Variants in EDIL3 observed in about 807,000 individuals in gnomAD.
EDIL3 encodes the protein EGF-like repeat and discoidin I-like domain-containing protein 3.
A neutral mutation model predicts 67.4 loss-of-function variants in EDIL3; 37 were observed. That is an observed-to-expected ratio of 0.55 (90% confidence interval 0.42 to 0.72). The LOEUF (loss-of-function observed/expected upper bound fraction) is 0.72, where lower values mean the gene tolerates loss of function less well. EDIL3 is among the 30% of genes least tolerant of loss of function. The pLI is 0.00. For missense variants in EDIL3, 527 were observed against 586.3 expected, an observed-to-expected ratio of 0.90 and a Z score of 1.04; for synonymous variants, 195 against 196.3, an observed-to-expected ratio of 0.99 and a Z score of 0.05.
intron 9 of EDIL3, among the ~76,000 whole-genome samples, chr5:84,027,069 T>G (rs139378410): frequency 8.9e-4 from 136 of 152,290 alleles, no homozygotes; most frequent in Middle Eastern, 3.4e-3. Flanking sequence ...CACTCCAGCC[T>G]GGGTGGTGGG....
intron 9 of EDIL3, among the ~76,000 whole-genome samples, chr5:84,007,793 A>G (rs1406005771): frequency 6.6e-6 from 1 of 152,186 alleles, no homozygotes; most frequent in Non-Finnish European, 1.5e-5. Context: ...TACCAAAAAT[A>G]AAGAATCTCA....
intron 9 of EDIL3, among the ~76,000 whole-genome samples, chr5:83,996,338 A>G (rs994997947): frequency 3.3e-5 from 5 of 152,208 alleles, no homozygotes; most frequent in African/African-American, 9.6e-5. Context: ...ATGTTAAAGT[A>G]CCCCTCTCTT....
intron 4 of EDIL3, among the ~76,000 whole-genome samples, chr5:84,154,087 C>A (rs1402747174): frequency 6.6e-6 from 1 of 152,120 alleles, no homozygotes. Context: ...TCTTTTGCTC[C>A]TTTGCTGTGA....
chr5:84,316,884 A>G (rs1746525890), intron 1 of EDIL3, among the ~76,000 whole-genome samples: 1 of 152,190 alleles, frequency 6.6e-6, no homozygotes, highest in Admixed American at 6.5e-5. Context: ...ACCAAATGTA[A>G]AAGAGCAGAA....
At chr5:84,012,380 G>A (rs1265554108) in intron 9 of EDIL3, among the ~76,000 whole-genome samples, 1 of 152,076 alleles carries the variant, frequency 6.6e-6, no homozygotes, top group Non-Finnish European at 1.5e-5. Flanking sequence ...AATTCATATG[G>A]AAATATTGGC....
chr5:83,950,700 A>T (rs1744404419), intron 10 of EDIL3, among the ~76,000 whole-genome samples: 1 of 151,776 alleles, frequency 6.6e-6, no homozygotes, highest in Non-Finnish European at 1.5e-5. Context: ...ATGGGCATAA[A>T]CCTAATAAGC....
chr5:84,108,345 C>A (rs974793513), intron 5 of EDIL3, among the ~76,000 whole-genome samples: 8 of 151,766 alleles, frequency 5.3e-5, no homozygotes, highest in South Asian at 2.1e-4. Flanking sequence ...TTAGTAAAGA[C>A]AACATTAATA....
At chr5:84,162,431 T>C (rs1451586739) in intron 4 of EDIL3, among the ~76,000 whole-genome samples, 1 of 152,114 alleles carries the variant, frequency 6.6e-6, no homozygotes, top group East Asian at 1.9e-4. Context: ...TTTTGACATC[T>C]TCAGTACCAA....
chr5:83,990,983 A>G (rs2112159271), intron 9 of EDIL3, among the ~76,000 whole-genome samples: 1 of 152,240 alleles, frequency 6.6e-6, no homozygotes, highest in Non-Finnish European at 1.5e-5. Context: ...ATAGTGTAAG[A>G]GTTTTTGCAT....
At chr5:84,364,736 A>G (rs563342340) in intron 1 of EDIL3, among the ~76,000 whole-genome samples, 1 of 152,026 alleles carries the variant, frequency 6.6e-6, no homozygotes, top group Non-Finnish European at 1.5e-5. Flanking sequence ...CTCACACTAC[A>G]TAAATTTCAT....
intron 9 of EDIL3, among the ~76,000 whole-genome samples, chr5:84,043,619 G>A (rs1746170719): frequency 6.6e-6 from 1 of 152,176 alleles, no homozygotes; most frequent in Non-Finnish European, 1.5e-5. Flanking sequence ...AGAAAAGGGA[G>A]AAACTGGATT....
chr5:84,374,968 C>CTTTTTTT (rs58157149), intron 1 of EDIL3, among the ~76,000 whole-genome samples: 1 of 141,790 alleles, frequency 7.1e-6, no homozygotes, highest in Non-Finnish European at 1.5e-5. Flanking sequence ...TCGGGTATTT[C>CTTTTTTT]TTTTTTTTTT....
At chr5:84,294,284 C>T (rs1745994448) in intron 1 of EDIL3, among the ~76,000 whole-genome samples, 1 of 148,732 alleles carries the variant, frequency 6.7e-6, no homozygotes, top group Non-Finnish European at 1.5e-5. Flanking sequence ...ACTCGGGAGG[C>T]TGACGCAGGA....
chr5:84,095,368 A>T (rs1310267810), intron 6 of EDIL3, among the ~76,000 whole-genome samples: 2 of 152,198 alleles, frequency 1.3e-5, no homozygotes, highest in Admixed American at 6.5e-5. Context: ...AGAAAAACAT[A>T]GGTAAGTTTG....
chr5:84,252,752 A>C (rs910030844), intron 2 of EDIL3, among the ~76,000 whole-genome samples: 11 of 152,034 alleles, frequency 7.2e-5, no homozygotes, highest in Non-Finnish European at 1.6e-4. Context: ...TTTCCTGAGG[A>C]TATGATTCTC....
At chr5:84,378,225 G>T (rs1748007124) in intron 1 of EDIL3, among the ~76,000 whole-genome samples, 1 of 152,066 alleles carries the variant, frequency 6.6e-6, no homozygotes, top group Non-Finnish European at 1.5e-5. Flanking sequence ...AAACATTTTT[G>T]ACCAAGTCTT....
intron 9 of EDIL3, among the ~76,000 whole-genome samples, chr5:84,028,439 T>C (rs1745856508): frequency 6.6e-6 from 1 of 152,180 alleles, no homozygotes; most frequent in Admixed American, 6.5e-5. Flanking sequence ...GAATCAGACA[T>C]GTAAACTTAA....
chr5:84,185,114 A>T (rs1561456412), intron 3 of EDIL3, among the ~76,000 whole-genome samples: 1 of 152,142 alleles, frequency 6.6e-6, no homozygotes, highest in Non-Finnish European at 1.5e-5. Flanking sequence ...CAGGGAGGAT[A>T]AGTATCATAT....
chr5:84,112,248 C>G (rs899233671), intron 5 of EDIL3, among the ~76,000 whole-genome samples: 2 of 152,096 alleles, frequency 1.3e-5, no homozygotes, highest in Non-Finnish European at 2.9e-5. Flanking sequence ...CGGGACAAAA[C>G]TATGTCCAAA....
Sources: allele counts gnomAD v4.1 joint callset (sites outside exome capture counted in the v4.1 genomes callset), GRCh38; gene constraint gnomAD v4.1.1; transcripts MANE v1.5; gene names NCBI Gene and HGNC (gene_info 2026-07-23, HGNC 2026-07-21).